ERCC6: variants seen among roughly 807,000 people sequenced by gnomAD.
ERCC6 encodes DNA excision repair protein ERCC-6.
ERCC6 carries 116 observed loss-of-function variants against 158.7 expected under a neutral mutation model. The observed-to-expected ratio is 0.73, with a 90% confidence interval of 0.63 to 0.85. ERCC6 has a LOEUF of 0.85. Ranked by LOEUF, ERCC6 falls within the 40% of genes least tolerant of loss-of-function variation. ERCC6 has a pLI of 0.00. For synonymous variants in ERCC6, 678 were observed against 659.3 expected, an observed-to-expected ratio of 1.03 and a Z score of -0.43; for missense variants, 1,698 against 1,799.4, an observed-to-expected ratio of 0.94 and a Z score of 1.02.
At chr10:49,500,860 T>C (rs1344105249) in intron 6 of ERCC6, 164 bp from the exon 7 acceptor site, 3 of 724,708 alleles carry the variant, frequency 4.1e-6, no homozygotes, top group African/African-American at 3.5e-5. Flanking sequence ...TATAAGGTCA[T>C]ACATTTTTGA....
At chr10:49,464,874 GT>G (rs1416934112) in intron 18 of ERCC6, among the ~76,000 whole-genome samples, 1 of 152,248 alleles carries the variant, frequency 6.6e-6, no homozygotes, top group Non-Finnish European at 1.5e-5. Flanking sequence ...CCAGGCAGAA[GT>G]TTGCTGCAGG....
chr10:49,515,399 AGTTGTGTTCTTAT>A (rs749647738), intron 5 of ERCC6: 1 of 1,614,044 alleles, frequency 6.2e-7, no homozygotes, highest in Admixed American at 1.7e-5. Context: ...CACATCGAAA[AGTTGTGTTCTTAT>A]GACATTCAGC....
At chr10:49,474,442 C>A (rs1309358493) in intron 12 of ERCC6, among the ~76,000 whole-genome samples, 200 bp from the exon 13 acceptor site, 1 of 152,098 alleles carries the variant, frequency 6.6e-6, no homozygotes, top group Non-Finnish European at 1.5e-5. Flanking sequence ...AGAACAAGTT[C>A]TCAGAAACAA....
Position 49,460,392 on chromosome 10 carries a change from G to T in ERCC6, c.4043C>A (p.Ser1348Tyr), listed in dbSNP as rs1178818645. ...TATTACCTGGCACTTCTCTGTTGGA[G>T]ATGTTGATGAAGGATGCTGCACAGA... ...NFSVQHPSSTSPTEKCQDGIM... is the reference protein window; with the variant it reads ...NFSVQHPSSTYPTEKCQDGIM... The change falls in exon 20 of 21, where the codon TCT (serine) becomes TAT (tyrosine). Residue 1348 changes from serine to tyrosine, a missense_variant. Transcript: ENST00000355832. 6.2e-7 allele frequency: 1 copy of T among 1,613,074 alleles called. No individual in the cohort carries two copies. The highest frequency in any genetic ancestry group is 2.2e-5 in the East Asian group (1 of 44,878).
intron 9 of ERCC6, 91 bp downstream of exon 9, chr10:49,483,255 T>G (rs1464152802): frequency 7.5e-7 from 1 of 1,327,820 alleles, no homozygotes; most frequent in Non-Finnish European, 1.1e-6. Context: ...CAAGGAAAGA[T>G]TCAATAAATG....
chr10:49,512,169 A>G (rs1377433666), intron 5 of ERCC6, among the ~76,000 whole-genome samples: 1 of 152,188 alleles, frequency 6.6e-6, no homozygotes, highest in African/African-American at 2.4e-5. Flanking sequence ...AGCATAGCAG[A>G]CTGTCATGCT....
At chr10:49,520,194 A>G (rs1403501522) in intron 5 of ERCC6, among the ~76,000 whole-genome samples, 1 of 152,198 alleles carries the variant, frequency 6.6e-6, no homozygotes, top group African/African-American at 2.4e-5. Context: ...CAGTGATCAG[A>G]GCCATCTGGG....
chr10:49,511,168 G>A (rs1836808457), intron 5 of ERCC6, among the ~76,000 whole-genome samples: 1 of 152,172 alleles, frequency 6.6e-6, no homozygotes, highest in South Asian at 2.1e-4. Context: ...CTGCACGCCA[G>A]CTGATGGAAA....
chr10:49,525,195 C>G (rs1837284805), intron 4 of ERCC6: 1 of 207,530 alleles, frequency 4.8e-6, no homozygotes, highest in African/African-American at 2.4e-5. Context: ...ATTCAAGAGA[C>G]AGTAAAACCA....
intron 8 of ERCC6, among the ~76,000 whole-genome samples, chr10:49,487,607 G>A (rs1247432912): frequency 1.3e-5 from 2 of 152,202 alleles, no homozygotes; most frequent in African/African-American, 4.8e-5. Context: ...GCGACCTTTA[G>A]AAGCCAAAGC....
intron 10 of ERCC6, among the ~76,000 whole-genome samples, chr10:49,481,777 G>T (rs1404260768): frequency 6.6e-6 from 1 of 152,204 alleles, no homozygotes; most frequent in African/African-American, 2.4e-5. Context: ...CCTCGATCCT[G>T]TCAGCCTCCA....
At chr10:49,449,397 C>T (rs1850393740), downstream of ERCC6, among the ~76,000 whole-genome samples, 2 of 152,006 alleles carry the variant, frequency 1.3e-5, no homozygotes, top group African/African-American at 4.8e-5. Context: ...TTGATGGTAT[C>T]CTTCAAAGCA....
chr10:49,442,175 T>C, the ERCC6 span, among the ~76,000 whole-genome samples: 1 of 152,222 alleles, frequency 6.6e-6, no homozygotes, highest in Non-Finnish European at 1.5e-5. Context: ...TGCCTGGTTT[T>C]CCTAACTTGT....
intron 18 of ERCC6, among the ~76,000 whole-genome samples, chr10:49,467,558 T>C (rs1319109647): frequency 1.3e-5 from 2 of 152,120 alleles, no homozygotes; most frequent in African/African-American, 2.4e-5. Context: ...ATTTAAAAAA[T>C]TGGGTTATAC....
intron 5 of ERCC6, among the ~76,000 whole-genome samples, chr10:49,519,276 G>A (rs992807869): frequency 1.3e-5 from 2 of 152,182 alleles, no homozygotes; most frequent in Admixed American, 1.3e-4. Context: ...TCAAATCTCA[G>A]CTCTACTTCA....
intron 3 of ERCC6, among the ~76,000 whole-genome samples, chr10:49,529,344 T>C (rs1012362395): frequency 6.6e-6 from 1 of 152,242 alleles, no homozygotes; most frequent in African/African-American, 2.4e-5. Context: ...TCCCTCTGAA[T>C]AGTCTACCTC....
chr10:49,446,815 A>AAAT, the ERCC6 span, among the ~76,000 whole-genome samples: 1 of 152,358 alleles, frequency 6.6e-6, no homozygotes, highest in South Asian at 2.1e-4. Flanking sequence ...ATGTCTCAAA[A>AAAT]AATAATAATA....
intron 2 of ERCC6, among the ~76,000 whole-genome samples, chr10:49,531,076 A>G (rs916924551): frequency 6.6e-6 from 1 of 152,180 alleles, no homozygotes; most frequent in African/African-American, 2.4e-5. Context: ...GCTCATTCCC[A>G]TTTGTAAGCT....
rs1259462763 is a variant in ERCC6 at position 49,516,310 on chromosome 10, A to G, written c.1397+7723T>C. ...AAATAAGGAACCATGAATTCATCAAAGCTGAAATATGTTTCATTTGGAACA... is the reference window on the plus strand; with the variant it reads ...AAATAAGGAACCATGAATTCATCAAGGCTGAAATATGTTTCATTTGGAACA... On this transcript the variant is annotated intron_variant, in intron 5 of 20. Coordinates refer to ENST00000355832, the MANE Select transcript of ERCC6 (RefSeq NM_000124.4). 1.7e-5 allele frequency: 27 copies of G among 1,614,054 alleles called. No individual in the cohort carries two copies. Among genetic ancestry groups the G allele is most frequent in the African/African-American group, 2.7e-5 (2 of 74,924 alleles).
Sources: allele counts gnomAD v4.1 joint callset (sites outside exome capture counted in the v4.1 genomes callset), GRCh38; gene constraint gnomAD v4.1.1; transcripts MANE v1.5; gene names NCBI Gene and HGNC (gene_info 2026-07-23, HGNC 2026-07-21).